ANKS1B: variants seen among roughly 807,000 people sequenced by gnomAD.
The protein encoded by ANKS1B is ankyrin repeat and sterile alpha motif domain containing 1B.
Under a neutral mutation model 148.3 loss-of-function variants are expected in ANKS1B, and 36 were observed. The observed-to-expected ratio is 0.24, with a 90% CI of 0.19 to 0.32. ANKS1B has a LOEUF of 0.32. Among genes scored for constraint, ANKS1B ranks in the 10% least tolerant of loss-of-function variants. The pLI, the probability that ANKS1B is intolerant of heterozygous loss-of-function variation, is 1.00. For missense variants in ANKS1B, 1,157 were observed against 1,542.6 expected (o/e 0.75, Z 4.19); for synonymous variants, 542 against 560.8 (o/e 0.97, Z 0.47).
In ANKS1B at chr12:99,246,831, G is replaced by A. The variant is rs1424910390; in HGVS notation, c.1790C>T (p.Pro597Leu). ...DLSRQDDNDP[P>L]KEYDPGQFAG... ...AAATTGCCCAGGATCATATTCTTTTGGGGGATCATTGTCATCCTGTCGGGA... is the reference window on the plus strand; with the variant it reads ...AAATTGCCCAGGATCATATTCTTTTAGGGGATCATTGTCATCCTGTCGGGA... The change falls in exon 13 of 27, where the codon CCA becomes CTA. Residue 597 changes from proline to leucine, a missense_variant. Physicochemically the swap from Pro to Leu is moderately conservative, Grantham distance 98. Around this residue, in one of 6 missense-constraint regions of ANKS1B, gnomAD observed 661 missense variants for 642.1 expected, o/e 1.03. Transcript: ENST00000683438. 1 of 1,604,336 alleles carries A rather than the reference G, an allele frequency of 6.2e-7. No individual in the cohort carries two copies. Among genetic ancestry groups the A allele is most frequent in the Admixed American group, 1.7e-5 (1 of 58,408 alleles).
chr12:99,449,892 C>CATCT lies in ANKS1B; in HGVS notation c.1439-6087_1439-6084dup, dbSNP rs55765630. 5.1e-3 allele frequency among the ~76,000 whole-genome samples: 760 copies of CATCT among 147,964 alleles called. 2 individuals are homozygous for CATCT. Among genetic ancestry groups the CATCT allele is most frequent in the Admixed American group, 9.0e-3 (132 of 14,742 alleles). Reference sequence around the variant, plus strand: ...AGAAATAGGACCAACAGGATCTATCCATCTATCTATCTATCTATCTATCTA... The same window carrying CATCT: ...AGAAATAGGACCAACAGGATCTATCCATCTATCTATCTATCTATCTATCTATCTA... On this transcript the variant is annotated intron_variant, in intron 10 of 26. Coordinates refer to ENST00000683438, the MANE Select transcript of ANKS1B (RefSeq NM_001352186.2).
chr12:99,009,756 CA>C (rs2099938173), intron 17 of ANKS1B, among the ~76,000 whole-genome samples: 1 of 151,488 alleles, frequency 6.6e-6, no homozygotes, highest in Non-Finnish European at 1.5e-5. Context: ...TTTCCTCCCC[CA>C]TGTTATTCCA....
intron 8 of ANKS1B, among the ~76,000 whole-genome samples, chr12:99,686,746 T>C (rs1228609065): frequency 6.6e-6 from 1 of 152,150 alleles, no homozygotes; most frequent in Non-Finnish European, 1.5e-5. Context: ...CTTAGAACAG[T>C]ATACTTTCAT....
intron 6 of ANKS1B, among the ~76,000 whole-genome samples, chr12:99,779,498 T>C (rs2064030639): frequency 6.6e-6 from 1 of 152,164 alleles, no homozygotes; most frequent in African/African-American, 2.4e-5. Flanking sequence ...ACCAAAGTAG[T>C]AGCAAATCCC....
intron 19 of ANKS1B, among the ~76,000 whole-genome samples, chr12:98,815,963 A>C (rs2099136299): frequency 6.6e-6 from 1 of 152,154 alleles, no homozygotes; most frequent in Non-Finnish European, 1.5e-5. Flanking sequence ...ACAGAAGATA[A>C]TTCAGTCCTA....
chr12:99,943,524 A>G lies in ANKS1B; in HGVS notation c.134+40580T>C, dbSNP rs150100681. On this transcript the variant is annotated intron_variant, in intron 1 of 26. Coordinates refer to ENST00000683438, the MANE Select transcript of ANKS1B (RefSeq NM_001352186.2). The stretch of plus-strand genomic sequence containing the variant: ...TTCCACATGGCTGGGGAGGACTCAC[A>G]ATCATGGCAGAAGGCAAAGGAGGAG... 1.6e-3 allele frequency among the ~76,000 whole-genome samples: 248 copies of G among 152,286 alleles called. 9 individuals carry two copies. In the East Asian group the frequency reaches 0.04, roughly 25 times the overall value.
At chr12:99,841,869 C>T (rs1474529844) in intron 1 of ANKS1B, among the ~76,000 whole-genome samples, 2 of 151,774 alleles carry the variant, frequency 1.3e-5, no homozygotes, top group East Asian at 1.9e-4. Flanking sequence ...ATTTTTCTCT[C>T]CTTGGTTAGT....
At chr12:99,914,725 G>T (rs187832583) in intron 1 of ANKS1B, among the ~76,000 whole-genome samples, 1 of 152,004 alleles carries the variant, frequency 6.6e-6, no homozygotes, top group Admixed American at 6.5e-5. Flanking sequence ...TGATATTTAG[G>T]GGGGTGTACA....
chr12:98,738,292 A>G lies in ANKS1B; in HGVS notation c.691-2658T>C, dbSNP rs574692345. ...TCATTTATGAGGTCAGGCCCCCAGA[A>G]CTGGGAATGCTCCTTATCACATAGA... is the stretch of plus-strand genomic sequence containing the variant. On this transcript the variant is annotated intron_variant, in intron 9 of 9. Transcript: ENST00000341752. 1.2e-4 allele frequency among the ~76,000 whole-genome samples: 19 copies of G among 152,340 alleles called. No homozygotes were observed. In the South Asian group the frequency reaches 3.9e-3, roughly 32 times the overall value.
At chr12:99,256,327 A>G (rs979991092) in intron 12 of ANKS1B, among the ~76,000 whole-genome samples, 1 of 152,112 alleles carries the variant, frequency 6.6e-6, no homozygotes, top group Non-Finnish European at 1.5e-5. Flanking sequence ...AAACAATTTA[A>G]AAACTTTAGA....
At chr12:99,975,129 G>T (rs1297168103) in intron 1 of ANKS1B, among the ~76,000 whole-genome samples, 6 of 143,162 alleles carry the variant, frequency 4.2e-5, no homozygotes, top group Non-Finnish European at 9.0e-5. Context: ...CCCCGGCCTG[G>T]GTGACAGAGT....
intron 10 of ANKS1B, among the ~76,000 whole-genome samples, chr12:99,488,761 C>T (rs1303729872): frequency 1.3e-5 from 2 of 152,102 alleles, no homozygotes; most frequent in African/African-American, 4.8e-5. Context: ...GCTTCTGATC[C>T]AGTTGAGCAT....
At chr12:99,359,487 C>G (rs1173294133) in intron 12 of ANKS1B, among the ~76,000 whole-genome samples, 1 of 151,970 alleles carries the variant, frequency 6.6e-6, no homozygotes, top group African/African-American at 2.4e-5. Flanking sequence ...ATAAAAAATA[C>G]AGCTTATAAA....
intron 19 of ANKS1B, among the ~76,000 whole-genome samples, chr12:98,820,517 T>C (rs773449132): frequency 2.0e-5 from 3 of 152,156 alleles, no homozygotes; most frequent in Non-Finnish European, 4.4e-5. Flanking sequence ...ATAAAGTAAT[T>C]TGGTCAACAG....
intron 17 of ANKS1B, among the ~76,000 whole-genome samples, chr12:98,839,088 A>G (rs2099391163): frequency 6.6e-6 from 1 of 152,194 alleles, no homozygotes; most frequent in Non-Finnish European, 1.5e-5. Flanking sequence ...GGGATGGTGA[A>G]CAGAAAGACC....
chr12:99,983,790 G>C, intron 1 of ANKS1B, among the ~76,000 whole-genome samples: 1 of 152,160 alleles, frequency 6.6e-6, no homozygotes, highest in East Asian at 1.9e-4. Context: ...AATAAATGTT[G>C]ATGGAAAGCG....
chr12:99,949,103 G>A (rs1216952901), intron 1 of ANKS1B, among the ~76,000 whole-genome samples: 2 of 152,086 alleles, frequency 1.3e-5, no homozygotes, highest in South Asian at 2.1e-4. Flanking sequence ...AAAGCCTCAG[G>A]CAGATCAAAA....
rs181436794 is a variant in ANKS1B, at chr12:99,347,675, G to C, written c.1756+51956C>G. On this transcript the variant is annotated intron_variant, in intron 12 of 26. Coordinates refer to ENST00000683438, the MANE Select transcript of ANKS1B (RefSeq NM_001352186.2). Reference sequence around the variant, plus strand: ...ATACTGTCAGTAAAAAATTAGAAAAGTCACTAAACATACAAGTACAACCCA... The same window carrying C: ...ATACTGTCAGTAAAAAATTAGAAAACTCACTAAACATACAAGTACAACCCA... 1.3e-5 allele frequency among the ~76,000 whole-genome samples: 2 copies of C among 152,046 alleles called. 1 individual carries two copies. The highest frequency in any genetic ancestry group is 3.9e-4 in the East Asian group (2 of 5,160).
chr12:99,374,184 T>C (rs1185316919), intron 12 of ANKS1B, among the ~76,000 whole-genome samples: 2 of 152,098 alleles, frequency 1.3e-5, no homozygotes, highest in Non-Finnish European at 2.9e-5. Flanking sequence ...AATACATAAA[T>C]GAATGGAAAG....
Sources: allele counts gnomAD v4.1 joint callset (sites outside exome capture counted in the v4.1 genomes callset), GRCh38; gene constraint gnomAD v4.1.1; regional missense constraint gnomAD v4.1.1; transcripts MANE v1.5; gene names NCBI Gene and HGNC (gene_info 2026-07-23, HGNC 2026-07-21).